The following SERPINF1 variants were observed in gnomAD, a reference collection of about 807,000 sequenced individuals.
The protein encoded by SERPINF1 is pigment epithelium-derived factor.
In SERPINF1, 29 loss-of-function variants were observed where a neutral mutation model predicts 37.3. The observed-to-expected ratio is 0.78, with a 90% CI of 0.58 to 1.06. SERPINF1 has a LOEUF of 1.06. SERPINF1 is among the 50% of genes least tolerant of loss of function. The probability of loss-of-function intolerance (pLI) is 0.00; values close to 1 mark genes in which losing one functional copy is unlikely to be tolerated. For missense variants in SERPINF1, 553 were observed against 532.2 expected, an observed-to-expected ratio of 1.04 and a Z score of -0.38; for synonymous variants, 281 against 227.9, an observed-to-expected ratio of 1.23 and a Z score of -2.10.
At position 1,775,170 on chromosome 17, in the gene SERPINF1, C is replaced by T. The variant is rs144006481; in HGVS notation, c.756C>T (p.Arg252=). Residue 252 remains arginine, a synonymous_variant, in exon 6 of 8, where the codon CGC becomes CGT. Coordinates refer to ENST00000254722, the MANE Select transcript of SERPINF1 (RefSeq NM_002615.7). ...PMMSDPKAVL[R]YGLDSDLSCK... ...TGTCGGACCCTAAGGCTGTTTTACG[C>T]TATGGCTTGGATTCAGATCTCAGCT... 6.2e-7 allele frequency: 1 copy of T among 1,611,280 alleles called. No individual in the cohort carries two copies. Among genetic ancestry groups the T allele is most frequent in the Non-Finnish European group, 8.5e-7 (1 of 1,178,560 alleles).
Position 1,775,217 on chromosome 17 carries a change from G to A in SERPINF1, c.786+17G>A. On this transcript the variant is annotated intron_variant, in intron 6 of 7. Coordinates refer to ENST00000254722, the MANE Select transcript of SERPINF1 (RefSeq NM_002615.7). ...AGCTGCAAGGTCTGTAGGGATAGGG[G>A]CAGGGTGGGGGGTGGATGGAGGGAG... The A allele has an allele frequency of 2.5e-6, 4 of 1,608,364 alleles. 1 individual carries two copies. The highest frequency in any genetic ancestry group is 2.2e-5 in the South Asian group (2 of 91,010).
chr17:1,776,374 A>C, intron 6 of SERPINF1, 158 bp from the exon 7 acceptor site: 1 of 718,522 alleles, frequency 1.4e-6, no homozygotes, highest in Middle Eastern at 3.7e-4. Context: ...ACTGCCAGAA[A>C]GCTATAACCT....
At chr17:1,774,377 G>A (rs1308472532) in intron 5 of SERPINF1, among the ~76,000 whole-genome samples, 2 of 152,176 alleles carry the variant, frequency 1.3e-5, no homozygotes, top group African/African-American at 2.4e-5. Context: ...TGTATTTTCA[G>A]TAGAGATGGG....
chr17:1,773,967 A>AG (rs2151210761), intron 5 of SERPINF1, among the ~76,000 whole-genome samples: 1 of 152,294 alleles, frequency 6.6e-6, no homozygotes, highest in South Asian at 2.1e-4. Context: ...ATGTCTAGTG[A>AG]GTGAAGGAAC....
chr17:1,774,930 TCA>T, intron 5 of SERPINF1, 126 bp from the exon 6 acceptor site: 1 of 1,162,356 alleles, frequency 8.6e-7, no homozygotes, highest in Non-Finnish European at 1.3e-6. Flanking sequence ...CCCTGAGGCC[TCA>T]GAGCCCCTGA....
chr17:1,774,989 G>C (rs201853930), intron 5 of SERPINF1, 69 bp from the exon 6 acceptor site: 6 of 1,602,594 alleles, frequency 3.7e-6, no homozygotes, highest in Non-Finnish European at 5.1e-6. Context: ...CGTGCTCTGG[G>C]GACACAGCAT....
chr17:1,762,462 C>T (rs1907144410), intron 1 of SERPINF1, among the ~76,000 whole-genome samples: 1 of 152,196 alleles, frequency 6.6e-6, no homozygotes, highest in African/African-American at 2.4e-5. Context: ...GTCTGAGCAG[C>T]ACCCCAAGAC....
At chr17:1,775,325 C>A in intron 6 of SERPINF1, 125 bp downstream of exon 6, 1 of 981,494 alleles carries the variant, frequency 1.0e-6, no homozygotes, top group Non-Finnish European at 1.5e-6. Flanking sequence ...TGCTGTGTGA[C>A]TTTGAGCAGG....
rs754986728 is a variant in SERPINF1 at position 1,770,058 on chromosome 17, C to A, written c.283+8C>A. The A allele has an allele frequency of 6.2e-7, 1 of 1,613,988 alleles. No individual in the cohort carries two copies. The highest frequency in any genetic ancestry group is 8.5e-7 in the Non-Finnish European group (1 of 1,179,952). On this transcript the variant is annotated splice_region_variant and intron_variant, in intron 3 of 7. Coordinates refer to ENST00000254722, the MANE Select transcript of SERPINF1 (RefSeq NM_002615.7). ...TCTCGGCCCTCTCGCTGGGTGAGTG[C>A]TCAGATGCAGGAAGCCCCAGGCAGA...
At chr17:1,776,266 CAGG>C (rs1251648107) in intron 6 of SERPINF1, among the ~76,000 whole-genome samples, 6 of 152,210 alleles carry the variant, frequency 3.9e-5, no homozygotes, top group African/African-American at 9.7e-5. Context: ...CCTTAAACCA[CAGG>C]AGAACATTCT....
At chr17:1,770,101 T>G in intron 3 of SERPINF1, 51 bp downstream of exon 3, 1 of 1,585,024 alleles carries the variant, frequency 6.3e-7, no homozygotes, top group Non-Finnish European at 8.7e-7. Flanking sequence ...AGGCCCCCTG[T>G]GGCCTCTGCG....
rs530396508 is a variant in SERPINF1, at chr17:1,773,495, G to A, written c.643+1420G>A. Among the ~76,000 whole-genome samples the A allele has an allele frequency of 2.6e-4, 40 of 152,178 alleles. No homozygotes were observed. In the Middle Eastern group the frequency reaches 0.01, roughly 39 times the overall value. ...ACTCCTGACCTCAGATGATCCACCC[G>A]CCTCGGCCTCCCACAGTGCTGGGAT... On this transcript the variant is annotated intron_variant, in intron 5 of 7. Coordinates refer to ENST00000254722, the MANE Select transcript of SERPINF1 (RefSeq NM_002615.7).
chr17:1,769,437 T>C (rs1368984694), intron 2 of SERPINF1, among the ~76,000 whole-genome samples: 2 of 147,222 alleles, frequency 1.4e-5, no homozygotes, highest in Admixed American at 1.3e-4. Context: ...GGGTCATAGG[T>C]TTCGGCTTAT....
rs144219428 is a variant in SERPINF1, at chr17:1,772,009, G to A, written c.577G>A (p.Ala193Thr). ...WVQAQMKGKLARSTKEIPDEI... is the reference protein window; with the variant it reads ...WVQAQMKGKLTRSTKEIPDEI... Reference sequence around the variant, plus strand: ...GCAGGCGCAGATGAAAGGGAAGCTCGCCAGGTCCACAAAGGAAATTCCCGA... The same window carrying A: ...GCAGGCGCAGATGAAAGGGAAGCTCACCAGGTCCACAAAGGAAATTCCCGA... The change falls in exon 5 of 8, where the codon GCC becomes ACC. Residue 193 changes from alanine (A) to threonine (T), a missense_variant. Coordinates refer to ENST00000254722, the MANE Select transcript of SERPINF1 (RefSeq NM_002615.7). 106 of 1,613,790 alleles carry A rather than the reference G, an allele frequency of 6.6e-5. No homozygotes were observed. Among genetic ancestry groups the A allele is most frequent in the South Asian group, 1.1e-4 (10 of 91,070 alleles).
chr17:1,772,841 C>G (rs538136449), intron 5 of SERPINF1, among the ~76,000 whole-genome samples: 46 of 152,138 alleles, frequency 3.0e-4, no homozygotes, highest in African/African-American at 1.1e-3. Flanking sequence ...CCACTGCGCC[C>G]GGCCCTTTTA....
In SERPINF1 at chr17:1,776,716, A is replaced by G; in HGVS notation, c.971A>G (p.Glu324Gly). 1 of 1,612,862 alleles carries G rather than the reference A, an allele frequency of 6.2e-7. No individual in the cohort carries two copies. The highest frequency in any genetic ancestry group is 2.2e-5 in the East Asian group (1 of 44,776). The change falls in exon 7 of 8, where the codon GAA (glutamate) becomes GGA (glycine). Residue 324 changes from glutamate (E) to glycine (G), a missense_variant. Coordinates refer to ENST00000254722, the MANE Select transcript of SERPINF1 (RefSeq NM_002615.7). ...AAGCTGAAGCTGAGTTATGAAGGCG[A>G]AGTCACCAAGTCCCTGCAGGAGATG... ...VPKLKLSYEG[E>G]VTKSLQEMKL...
chr17:1,769,261 T>C (rs1907571437), intron 2 of SERPINF1, among the ~76,000 whole-genome samples: 1 of 151,782 alleles, frequency 6.6e-6, no homozygotes, highest in African/African-American at 2.4e-5. Context: ...TACAAAAAAT[T>C]ACCCAGGCAT....
rs540260251 is a variant in SERPINF1 at position 1,775,223 on chromosome 17, T to TG, written c.786+29dup. ...AAGGTCTGTAGGGATAGGGGCAGGGTGGGGGGTGGATGGAGGGAGAGGATA... is the reference window on the plus strand; with the variant it reads ...AAGGTCTGTAGGGATAGGGGCAGGGTGGGGGGGTGGATGGAGGGAGAGGATA... On this transcript the variant is annotated intron_variant, in intron 6 of 7. Transcript: ENST00000254722. The TG allele has an allele frequency of 2.7e-3, 4,179 of 1,567,100 alleles. 36 individuals are homozygous for TG. Among genetic ancestry groups the TG allele is most frequent in the Non-Finnish European group, 2.2e-3 (2,554 of 1,144,844 alleles).
rs1194391675 is a variant in SERPINF1, at chr17:1,769,914, C to T, written c.147C>T (p.Val49=). Residue 49 remains valine, a synonymous_variant, in exon 3 of 8, where the codon GTC becomes GTT. Transcript: ENST00000254722. ...LVEEEDPFFK[V]PVNKLAAAVS... ...AGGAGGAGGATCCTTTCTTCAAAGT[C>T]CCCGTGAACAAGCTGGCAGCGGCTG... 1 of 1,614,184 alleles carries T rather than the reference C, an allele frequency of 6.2e-7. No individual in the cohort carries two copies. Among genetic ancestry groups the T allele is most frequent in the African/African-American group, 1.3e-5 (1 of 75,048 alleles).
Sources: gnomAD v4.1 joint callset for allele counts (sites outside exome capture counted in the v4.1 genomes callset) on GRCh38, gnomAD v4.1.1 for gene constraint, MANE v1.5 for transcripts, NCBI Gene and HGNC (gene_info 2026-07-23, HGNC 2026-07-21) for gene names.